Variants in SH3GL1 observed in about 807,000 individuals in gnomAD.
SH3GL1 encodes SH3 domain containing GRB2 like 1, endophilin A2.
SH3GL1 carries 21 observed loss-of-function variants against 48.8 expected under a neutral mutation model. That is an observed-to-expected ratio of 0.43 (90% CI 0.30 to 0.62). SH3GL1 has a LOEUF of 0.62. SH3GL1 is among the 20% of genes least tolerant of loss of function. The pLI, the probability that SH3GL1 is intolerant of heterozygous loss-of-function variation, is 0.11. For synonymous variants in SH3GL1, 282 were observed against 217.5 expected (o/e 1.30, Z -2.61); for missense variants, 454 against 503.0 (o/e 0.90, Z 0.93).
At chr19:4,396,852 TC>T (rs1222400033) in intron 1 of SH3GL1, among the ~76,000 whole-genome samples, 1 of 152,104 alleles carries the variant, frequency 6.6e-6, no homozygotes, top group East Asian at 1.9e-4. Context: ...ATTGTCAATG[TC>T]CCCTGGAGGA....
At chr19:4,371,354 C>A (rs1972896489) in intron 1 of SH3GL1, among the ~76,000 whole-genome samples, 2 of 152,370 alleles carry the variant, frequency 1.3e-5, no homozygotes, top group African/African-American at 4.8e-5. Context: ...GCCCGGCAGG[C>A]ACAGCTGTGG....
Position 4,400,337 on chromosome 19 carries a change from T to C in SH3GL1, c.32A>G (p.Tyr11Cys). ...GCCTGCGCTCACCTGGCTCGCCTTGTAGAACTGCTTCTTCAGCCCCGCCAC... is the reference window on the plus strand; with the variant it reads ...GCCTGCGCTCACCTGGCTCGCCTTGCAGAACTGCTTCTTCAGCCCCGCCAC... MSVAGLKKQF[Y>C]KASQLVSEKV... The change falls in exon 1 of 10, where the codon TAC becomes TGC. Residue 11 changes from tyrosine (Y) to cysteine (C), a missense_variant. Tyr to Cys is a radical substitution (Grantham distance 194). Around this residue, in one of 2 missense-constraint regions of SH3GL1, gnomAD observed 176 missense variants for 256.2 expected, o/e 0.69. Coordinates refer to ENST00000269886, the MANE Select transcript of SH3GL1 (RefSeq NM_003025.4). This position sits in a 1 kb window ranked among gnomAD's most constrained non-coding sequence, Gnocchi z 4.1. 1 of 1,596,818 alleles carries C rather than the reference T, an allele frequency of 6.3e-7. No homozygotes were observed. The highest frequency in any genetic ancestry group is 8.5e-7 in the Non-Finnish European group (1 of 1,174,894).
Position 4,362,636 on chromosome 19 carries a change from AG to A in SH3GL1, c.828del (p.Cys277AlafsTer59). On this transcript the variant is annotated frameshift_variant, in exon 8 of 10. Transcript: ENST00000269886. LOFTEE classifies it high-confidence loss of function. ...CCTGCGATCTTGGGGGCTGTGGTGC[AG>A]GGGAAGCCCCCGTTGGACTGCTCAG... ...GEPEQSNGGF[P>X]CTTAPKIAAS... The A allele has an allele frequency of 6.2e-7, 1 of 1,613,852 alleles. No individual in the cohort carries two copies. The highest frequency in any genetic ancestry group is 8.5e-7 in the Non-Finnish European group (1 of 1,179,992).
At chr19:4,369,304 C>T (rs576917316) in intron 1 of SH3GL1, among the ~76,000 whole-genome samples, 85 of 152,360 alleles carry the variant, frequency 5.6e-4, no homozygotes, top group African/African-American at 1.8e-3. Context: ...CGAGAGAGGG[C>T]GTGCTCAGAG....
chr19:4,381,417 C>CGT (rs1973126327), intron 1 of SH3GL1, among the ~76,000 whole-genome samples: 1 of 120,220 alleles, frequency 8.3e-6, no homozygotes, highest in Non-Finnish European at 1.8e-5. Context: ...CTCTGTCTCC[C>CGT]CTCTCTCTGT....
At chr19:4,363,615 C>A in intron 6 of SH3GL1, 105 bp downstream of exon 6, 1 of 1,513,002 alleles carries the variant, frequency 6.6e-7, no homozygotes, top group Middle Eastern at 2.0e-4. Context: ...TCCCCTGCTG[C>A]AGCGGCCAGG....
intron 1 of SH3GL1, chr19:4,396,009 A>G (rs532551621): frequency 2.6e-5 from 4 of 152,238 alleles, no homozygotes; most frequent in African/African-American, 9.6e-5. Context: ...TCCCCCCTAA[A>G]AAAGAAGCCC....
chr19:4,362,052 G>A (rs1028252201), intron 9 of SH3GL1, among the ~76,000 whole-genome samples: 11 of 152,324 alleles, frequency 7.2e-5, no homozygotes, highest in South Asian at 2.1e-4. Context: ...GTGCTGCTGC[G>A]GTGACAGGGA....
intron 1 of SH3GL1, among the ~76,000 whole-genome samples, chr19:4,396,356 G>A (rs538780719): frequency 1.4e-4 from 21 of 152,302 alleles, no homozygotes; most frequent in Non-Finnish European, 2.4e-4. Flanking sequence ...CCGAGATCGT[G>A]CCATTGTACT....
intron 1 of SH3GL1, among the ~76,000 whole-genome samples, chr19:4,368,403 G>A (rs1244801000): frequency 2.6e-5 from 4 of 152,210 alleles, no homozygotes; most frequent in Non-Finnish European, 4.4e-5. Flanking sequence ...GGCACCTGGT[G>A]TACCCTCTAG....
chr19:4,371,291 G>A (rs975081916), intron 1 of SH3GL1, among the ~76,000 whole-genome samples: 4 of 152,270 alleles, frequency 2.6e-5, no homozygotes, highest in East Asian at 1.9e-4. Context: ...CAGGGCTACC[G>A]TAGGCAGGAG....
rs1426833987 is a variant in SH3GL1, at chr19:4,400,242, C to G, written c.45+82G>C. 6.8e-6 allele frequency: 10 copies of G among 1,473,344 alleles called. No homozygotes were observed. Among genetic ancestry groups the G allele is most frequent in the Non-Finnish European group, 9.2e-6 (10 of 1,090,460 alleles). The allele number at this position is 1,473,344 out of a possible 1,614,324, so 91.3% of individuals were successfully genotyped here. On this transcript the variant is annotated intron_variant, in intron 1 of 9. Transcript: ENST00000269886. The surrounding 1 kb of genome is among the most constrained non-coding windows in gnomAD (Gnocchi z 4.1). The stretch of plus-strand genomic sequence containing the variant: ...TCCCCACCTCGGTCCCCCCGGCCCC[C>G]TCCCGGGCCAGGTCGGGCCTGGCTC...
intron 6 of SH3GL1, 113 bp downstream of exon 6, chr19:4,363,607 C>G (rs1972687207): frequency 1.3e-6 from 2 of 1,500,082 alleles, no homozygotes; most frequent in African/African-American, 1.4e-5. Context: ...CCTCCACCTC[C>G]CCTGCTGCAG....
intron 4 of SH3GL1, among the ~76,000 whole-genome samples, chr19:4,364,865 A>AT (rs1972729324): frequency 2.4e-5 from 1 of 42,078 alleles, no homozygotes; most frequent in Admixed American, 2.3e-4. Context: ...CACCCGGCTA[A>AT]TTGTGTGTGT....
At position 4,376,384 on chromosome 19, in the gene SH3GL1, C is replaced by T. The variant is rs1332255619; in HGVS notation, c.46-9390G>A. 6.6e-6 allele frequency among the ~76,000 whole-genome samples: 1 copy of T among 152,172 alleles called. No individual in the cohort carries two copies. Among genetic ancestry groups the T allele is most frequent in the Non-Finnish European group, 1.5e-5 (1 of 68,024 alleles). ...TGCCCACCGTGCATTCTGTAGAGAA[C>T]CTCAGCGCCCTCCTCCCTGCCGGCA... is the stretch of plus-strand genomic sequence containing the variant. On this transcript the variant is annotated intron_variant, in intron 1 of 9. Transcript: ENST00000269886. This position sits in a 1 kb window ranked among gnomAD's most constrained non-coding sequence, Gnocchi z 4.3.
chr19:4,365,552 C>A lies in SH3GL1; in HGVS notation c.261G>T (p.Pro87=), dbSNP rs749044412. The change falls in exon 4 of 10, where the codon CCG becomes CCT. Residue 87 remains proline (P), a synonymous_variant. Coordinates refer to ENST00000269886, the MANE Select transcript of SH3GL1 (RefSeq NM_003025.4). ...ACTCGCCCAGAAGCCCCTCCGACTG[C>A]GGGTAGCCGGGGTTCTTCACCTGGC... ...IRGQVKNPGY[P]QSEGLLGECM... The A allele has an allele frequency of 1.2e-6, 2 of 1,614,060 alleles. No individual in the cohort carries two copies. Among genetic ancestry groups the A allele is most frequent in the East Asian group, 4.5e-5 (2 of 44,878 alleles).
At position 4,361,669 on chromosome 19, in the gene SH3GL1, G is replaced by A. The variant is rs760077070; in HGVS notation, c.1038C>T (p.Gly346=). 3.1e-6 allele frequency: 5 copies of A among 1,612,514 alleles called. No homozygotes were observed. The highest frequency in any genetic ancestry group is 1.1e-5 in the South Asian group (1 of 91,092). The change falls in exon 10 of 10, where the codon GGC becomes GGT. Residue 346 remains glycine, a synonymous_variant. Coordinates refer to ENST00000269886, the MANE Select transcript of SH3GL1 (RefSeq NM_003025.4). The part of the protein sequence containing the change: ...TNQIDENWYE[G]MLDGQSGFFP... Reference sequence around the variant, plus strand: ...AGAAGCCCGACTGGCCGTCCAGCATGCCCTCGTACCAGTTCTCATCGATCT... The same window carrying A: ...AGAAGCCCGACTGGCCGTCCAGCATACCCTCGTACCAGTTCTCATCGATCT...
At position 4,362,695 on chromosome 19, in the gene SH3GL1, GGC is replaced by G; in HGVS notation, c.768_769del (p.Lys256AsnfsTer8). The G allele has an allele frequency of 6.2e-7, 1 of 1,614,066 alleles. No homozygotes were observed. Among genetic ancestry groups the G allele is most frequent in the Non-Finnish European group, 8.5e-7 (1 of 1,180,022 alleles). On this transcript the variant is annotated frameshift_variant, in exon 8 of 10. Coordinates refer to ENST00000269886, the MANE Select transcript of SH3GL1 (RefSeq NM_003025.4). LOFTEE classifies it high-confidence loss of function. ...AAGGTCAAAGGGCTCCCGGGGCTTGGGCTTATACTCCCGCTTAGGGCGTGAGG... is the reference window on the plus strand; with the variant it reads ...AAGGTCAAAGGGCTCCCGGGGCTTGGTTATACTCCCGCTTAGGGCGTGAGG...
intron 1 of SH3GL1, among the ~76,000 whole-genome samples, chr19:4,399,293 TG>T (rs1973477444): frequency 9.1e-6 from 1 of 109,484 alleles, no homozygotes; most frequent in Non-Finnish European, 1.7e-5. Context: ...GCCCTCCAGC[TG>T]GGGCGACAGA....
Sources: gnomAD v4.1 joint callset for allele counts (sites outside exome capture counted in the v4.1 genomes callset) on GRCh38, gnomAD v4.1.1 for gene constraint, gnomAD v4.1.1 regional missense constraint, Gnocchi (gnomAD v3.1) non-coding constraint, MANE v1.5 for transcripts, NCBI Gene and HGNC (gene_info 2026-07-23, HGNC 2026-07-21) for gene names.